MYCBP2: variants seen among roughly 807,000 people sequenced by gnomAD.
The protein encoded by MYCBP2 is MYC binding protein 2.
In MYCBP2, 120 loss-of-function variants were observed where a neutral mutation model predicts 525.3. That is an observed-to-expected ratio of 0.23 (90% CI 0.20 to 0.27). The LOEUF (loss-of-function observed/expected upper bound fraction) is 0.27. MYCBP2 is among the 10% of genes least tolerant of loss of function. The pLI is 1.00. For synonymous variants in MYCBP2, 1,894 were observed against 1,955.8 expected, an observed-to-expected ratio of 0.97 and a Z score of 0.83; for missense variants, 4,149 against 5,657.1, an observed-to-expected ratio of 0.73 and a Z score of 8.55.
chr13:77,105,691 A>C (rs1051005611), intron 55 of MYCBP2, among the ~76,000 whole-genome samples: 1 of 152,136 alleles, frequency 6.6e-6, no homozygotes, highest in Admixed American at 6.6e-5. Context: ...CTGTTAATAC[A>C]GATAAGACAA....
At chr13:77,151,562 T>C (rs2056454657) in intron 46 of MYCBP2, among the ~76,000 whole-genome samples, 1 of 152,232 alleles carries the variant, frequency 6.6e-6, no homozygotes, top group Non-Finnish European at 1.5e-5. Flanking sequence ...ACTCACTTTC[T>C]TTAAGAATAA....
chr13:77,076,945 T>C (rs1242407491), intron 67 of MYCBP2, 96 bp from the exon 68 acceptor site: 24 of 1,108,910 alleles, frequency 2.2e-5, no homozygotes, highest in Non-Finnish European at 2.9e-5. Flanking sequence ...TTTTATAATA[T>C]GCTACTCTTG....
chr13:77,232,930 T>C (rs1005492934), intron 18 of MYCBP2, among the ~76,000 whole-genome samples: 2 of 152,194 alleles, frequency 1.3e-5, no homozygotes, highest in Non-Finnish European at 2.9e-5. Context: ...GGAAAAGATA[T>C]ATTGTAAAAT....
At position 77,116,464 on chromosome 13, in the gene MYCBP2, T is replaced by A. The variant is rs558270033; in HGVS notation, c.8140+4909A>T. 9.3e-4 allele frequency among the ~76,000 whole-genome samples: 141 copies of A among 152,152 alleles called. 1 individual carries two copies. The highest frequency in any genetic ancestry group is 3.2e-3 in the African/African-American group (133 of 41,570). On this transcript the variant is annotated intron_variant, in intron 55 of 82. Transcript: ENST00000544440. ...TAAAAAATACAATTCTGAATTATTTTAAAAAATTAAAACTATTTTCAGATT... is the reference window on the plus strand; with the variant it reads ...TAAAAAATACAATTCTGAATTATTTAAAAAAATTAAAACTATTTTCAGATT...
Position 77,098,882 on chromosome 13 carries a change from G to A in MYCBP2, c.8272C>T (p.Pro2758Ser). The A allele has an allele frequency of 6.2e-7, 1 of 1,613,670 alleles. No homozygotes were observed. The highest frequency in any genetic ancestry group is 8.5e-7 in the Non-Finnish European group (1 of 1,179,766). ...GCAGATAAACTTTCTGTGCCCCTTGGCTTCTTCTGATCAGCAGTAGTCCGG... is the reference window on the plus strand; with the variant it reads ...GCAGATAAACTTTCTGTGCCCCTTGACTTCTTCTGATCAGCAGTAGTCCGG... ...MSRTTADQKK[P>S]RGTESLSASE... The change falls in exon 56 of 83, where the codon CCA becomes TCA. Residue 2758 changes from proline (P) to serine (S), a missense_variant. By Grantham distance (74) the Pro-to-Ser change is moderately conservative (BLOSUM62 -1). This residue lies in a region of MYCBP2 where 653 missense variants were observed against 744.7 expected (regional missense o/e 0.88). Coordinates refer to ENST00000544440, the MANE Select transcript of MYCBP2 (RefSeq NM_015057.5).
Position 77,166,346 on chromosome 13 carries a change from A to T in MYCBP2, c.6323T>A (p.Met2108Lys), listed in dbSNP as rs1176767013. 1 of 1,612,010 alleles carries T rather than the reference A, an allele frequency of 6.2e-7. No individual in the cohort carries two copies. Among genetic ancestry groups the T allele is most frequent in the South Asian group, 1.1e-5 (1 of 90,700 alleles). ...AAACTTACCTGGCAACACCAAAACC[A>T]TAGTAGGCCACCCAGAGGATCCTGA... Reference protein sequence around the residue: ...KFSGSSGWPTMVLVLPGNEAL... With the variant: ...KFSGSSGWPTKVLVLPGNEAL... Residue 2108 changes from methionine (M) to lysine (K), a missense_variant, in exon 41 of 83, where the codon ATG (methionine) becomes AAG (lysine). Physicochemically the swap from Met to Lys is moderately conservative, Grantham distance 95. Around this residue, in one of 21 missense-constraint regions of MYCBP2, gnomAD observed 692 missense variants for 852.7 expected, o/e 0.81. Coordinates refer to ENST00000544440, the MANE Select transcript of MYCBP2 (RefSeq NM_015057.5).
intron 1 of MYCBP2, among the ~76,000 whole-genome samples, chr13:77,301,063 G>T (rs898226048): frequency 6.6e-6 from 1 of 152,130 alleles, no homozygotes; most frequent in Admixed American, 6.5e-5. Context: ...TACATAGACA[G>T]CTTTCCCAGT....
chr13:77,183,582 T>C (rs186210311), intron 32 of MYCBP2, among the ~76,000 whole-genome samples: 1 of 127,350 alleles, frequency 7.9e-6, no homozygotes, highest in Admixed American at 9.6e-5. Context: ...AGATGGAGTA[T>C]CATTCTGTCA....
intron 36 of MYCBP2, among the ~76,000 whole-genome samples, chr13:77,175,701 T>C (rs7995002): frequency 0.78 from 119,258 of 152,130 alleles, 47,088 homozygotes; most frequent in Middle Eastern, 0.87. Context: ...TGGCTCACGC[T>C]TGTAATCCCA....
At chr13:77,216,425 G>T (rs934665976) in intron 21 of MYCBP2, among the ~76,000 whole-genome samples, 2 of 152,176 alleles carry the variant, frequency 1.3e-5, no homozygotes, top group Admixed American at 6.5e-5. Flanking sequence ...TGAGAAGCAG[G>T]CATCTTAAAA....
intron 1 of MYCBP2, among the ~76,000 whole-genome samples, chr13:77,325,483 A>C (rs1016492041): frequency 6.6e-6 from 1 of 151,994 alleles, no homozygotes; most frequent in South Asian, 2.1e-4. Context: ...AGCCCTCAGC[A>C]AAAAAAAGCA....
intron 76 of MYCBP2, among the ~76,000 whole-genome samples, chr13:77,060,211 A>C (rs2039014346): frequency 6.6e-6 from 1 of 152,236 alleles, no homozygotes; most frequent in Non-Finnish European, 1.5e-5. Flanking sequence ...ATTACAGACC[A>C]AGCTGATTTT....
intron 3 of MYCBP2, among the ~76,000 whole-genome samples, chr13:77,281,358 T>G (rs181717848): frequency 7.1e-4 from 108 of 152,240 alleles, no homozygotes; most frequent in African/African-American, 2.3e-3. Context: ...AAAAATGTTC[T>G]GATTTTTCAA....
At chr13:77,264,662 T>C (rs74799193) in intron 8 of MYCBP2, among the ~76,000 whole-genome samples, 1,955 of 152,240 alleles carry the variant, frequency 0.013, 37 homozygotes, top group African/African-American at 0.044. Context: ...CAATACTGCA[T>C]GTATCTCCAT....
At chr13:77,132,662 A>C (rs2053095934) in intron 52 of MYCBP2, among the ~76,000 whole-genome samples, 1 of 151,794 alleles carries the variant, frequency 6.6e-6, no homozygotes, top group Admixed American at 6.6e-5. Flanking sequence ...CTTCCACTCA[A>C]CCCCCCTCAC....
chr13:77,191,787 T>A lies in MYCBP2; in HGVS notation c.3962A>T (p.Glu1321Val). Residue 1321 changes from glutamate (E) to valine (V), a missense_variant, in exon 28 of 83, where the codon GAG becomes GTG. Coordinates refer to ENST00000544440, the MANE Select transcript of MYCBP2 (RefSeq NM_015057.5). The part of the protein sequence containing the change: ...AREKYAMMFD[E>V]PVLLQAGWWY... ...CCACCCAGCTTGCAGGAGAACAGGCTCATCAAACATCATTGCATATTTTTC... is the reference window on the plus strand; with the variant it reads ...CCACCCAGCTTGCAGGAGAACAGGCACATCAAACATCATTGCATATTTTTC... The A allele has an allele frequency of 6.2e-7, 1 of 1,614,034 alleles. No individual in the cohort carries two copies. The highest frequency in any genetic ancestry group is 8.5e-7 in the Non-Finnish European group (1 of 1,179,966).
At chr13:77,099,330 G>A in intron 55 of MYCBP2, 7 of 261,954 alleles carry the variant, frequency 2.7e-5, no homozygotes, top group South Asian at 1.8e-4. Context: ...ATTCAGTGAG[G>A]GACTAGAAAG....
At chr13:77,221,290 C>T (rs911568379) in intron 20 of MYCBP2, among the ~76,000 whole-genome samples, 2 of 152,098 alleles carry the variant, frequency 1.3e-5, no homozygotes, top group Admixed American at 1.3e-4. Context: ...CTGAAACTGC[C>T]CTATATCTCT....
chr13:77,160,065 CTTT>C (rs34051925), intron 44 of MYCBP2, among the ~76,000 whole-genome samples: 6 of 136,234 alleles, frequency 4.4e-5, no homozygotes, highest in Admixed American at 7.4e-5. Flanking sequence ...AAATCACAAA[CTTT>C]TTTTTTTTTT....
Sources: allele counts gnomAD v4.1 joint callset (sites outside exome capture counted in the v4.1 genomes callset), GRCh38; gene constraint gnomAD v4.1.1; regional missense constraint gnomAD v4.1.1; transcripts MANE v1.5; gene names NCBI Gene and HGNC (gene_info 2026-07-23, HGNC 2026-07-21).